MTRR: variants seen among roughly 807,000 people sequenced by gnomAD.
MTRR encodes the protein 5-methyltetrahydrofolate-homocysteine methyltransferase reductase.
Under a neutral mutation model 79.2 loss-of-function variants are expected in MTRR, and 63 were observed. The ratio of observed to expected loss-of-function variants is 0.80; its 90% CI spans 0.65 to 0.98. MTRR has a LOEUF of 0.98. Ranked by LOEUF, MTRR falls within the 50% of genes least tolerant of loss-of-function variation. The pLI is 0.00. For missense variants in MTRR, 895 were observed against 839.6 expected, an observed-to-expected ratio of 1.07 and a Z score of -0.82; for synonymous variants, 355 against 313.3, an observed-to-expected ratio of 1.13 and a Z score of -1.41.
upstream of MTRR, chr5:7,850,886 G>GGTA (rs764859323): frequency 8.8e-5 from 117 of 1,331,682 alleles, no homozygotes; most frequent in Non-Finnish European, 1.1e-4. Context: ...CGCGCCGGGC[G>GGTA]GTAGTAGTAG....
chr5:7,868,200 GAAAAAAAAAAAAAAA>G (rs34274545), upstream of MTRR: 1 of 222,566 alleles, frequency 4.5e-6, no homozygotes, highest in Non-Finnish European at 8.1e-6. Flanking sequence ...CGAGTATCTG[GAAAAAAAAAAAAAAA>G]AAAAAAAAGG....
chr5:7,854,593 C>T (rs326207), intron 1 of MTRR, among the ~76,000 whole-genome samples: 109,391 of 152,072 alleles, frequency 0.72, 40,340 homozygotes, highest in South Asian at 0.87. Context: ...GATGCAAAAG[C>T]GGAAACCCCT....
chr5:7,895,924 G>A (rs774654043), intron 12 of MTRR, 72 bp downstream of exon 12: 4 of 1,584,462 alleles, frequency 2.5e-6, no homozygotes, highest in Non-Finnish European at 1.7e-6. Context: ...GTCATTTTGA[G>A]GATAATTGGA....
chr5:7,880,925 G>A lies in MTRR; in HGVS notation c.781-2230G>A, dbSNP rs190782734. 3.5e-4 allele frequency among the ~76,000 whole-genome samples: 53 copies of A among 152,228 alleles called. No individual in the cohort carries two copies. In the East Asian group the frequency reaches 8.7e-3, roughly 25 times the overall value. On this transcript the variant is annotated intron_variant, in intron 5 of 14. Coordinates refer to ENST00000440940, the MANE Select transcript of MTRR (RefSeq NM_002454.3). ...CTGGAATGTTTGCACATTCCCCTTA[G>A]CCCAGTGTACATTTCCCCTTTGGGA...
Position 7,869,212 on chromosome 5 carries a change from G to T in MTRR, c.-29G>T. ...CAGGTTCGTGCCCGGCTGGCGCGGC[G>T]TGGGTAAGCTGCCTGTCGGCTACGG... On this transcript the variant is annotated 5_prime_UTR_variant, in exon 1 of 15. Coordinates refer to ENST00000440940, the MANE Select transcript of MTRR (RefSeq NM_002454.3). The T allele has an allele frequency of 6.2e-7, 1 of 1,606,970 alleles. No individual in the cohort carries two copies. The highest frequency in any genetic ancestry group is 2.2e-5 in the East Asian group (1 of 44,856).
At chr5:7,891,903 G>T (rs1056502900) in intron 10 of MTRR, among the ~76,000 whole-genome samples, 3 of 152,092 alleles carry the variant, frequency 2.0e-5, no homozygotes, top group Admixed American at 6.5e-5. Context: ...TTAGCCGGGC[G>T]TGGTGGCAGG....
chr5:7,866,216 T>C (rs1326631735), upstream of MTRR, among the ~76,000 whole-genome samples: 2 of 152,020 alleles, frequency 1.3e-5, no homozygotes, highest in South Asian at 4.1e-4. Context: ...AGATAAAATA[T>C]GTTCACAGAA....
chr5:7,864,473 AAAGT>A (rs1250734630), upstream of MTRR, among the ~76,000 whole-genome samples: 1 of 152,198 alleles, frequency 6.6e-6, no homozygotes, highest in Non-Finnish European at 1.5e-5. Flanking sequence ...GTAATATTAA[AAAGT>A]AATAAAAGAG....
chr5:7,862,795 AAAC>A, intron 2 of MTRR: 1 of 1,584,796 alleles, frequency 6.3e-7, no homozygotes, highest in Admixed American at 1.8e-5. Context: ...CTTAGGTTTA[AAAC>A]AACAAAACTC....
Position 7,890,009 on chromosome 5 carries a change from T to A in MTRR, c.1327+734T>A, listed in dbSNP as rs144819534. On this transcript the variant is annotated intron_variant, in intron 9 of 14. Transcript: ENST00000440940. Reference sequence around the variant, plus strand: ...CTCTCAGGAAGGGATTGAAAATGCTTGCTAGGGGTGAAGACTAAGCGCTTT... The same window carrying A: ...CTCTCAGGAAGGGATTGAAAATGCTAGCTAGGGGTGAAGACTAAGCGCTTT... Among the ~76,000 whole-genome samples, 773 of 152,286 alleles carry A rather than the reference T, an allele frequency of 5.1e-3. 6 individuals carry two copies. Among genetic ancestry groups the A allele is most frequent in the African/African-American group, 0.017 (723 of 41,558 alleles).
intron 11 of MTRR, among the ~76,000 whole-genome samples, chr5:7,894,913 A>C (rs1234513157): frequency 6.6e-6 from 1 of 152,242 alleles, no homozygotes; most frequent in Non-Finnish European, 1.5e-5. Context: ...AGGCTAATGT[A>C]ATGTTAACTA....
chr5:7,869,153 G>C lies in MTRR; in HGVS notation c.-88G>C, dbSNP rs1186313315. ...CCGAGCATGGGCGCTGCGTCAGTGC[G>C]CGCTGGCGCAAGGTTGGTGGAAGTC... On this transcript the variant is annotated 5_prime_UTR_variant, in exon 1 of 15. Transcript: ENST00000440940. 1.2e-6 allele frequency: 2 copies of C among 1,613,048 alleles called. No individual in the cohort carries two copies. The highest frequency in any genetic ancestry group is 1.7e-6 in the Non-Finnish European group (2 of 1,179,848).
chr5:7,891,418 C>T lies in MTRR; in HGVS notation c.1370+4C>T. ...CCAGACCATATTCGTGTGCAAGGTA[C>T]TACTATTTATTCACGTAATATATAG... On this transcript the variant is annotated splice_donor_region_variant and intron_variant, in intron 10 of 14. Coordinates refer to ENST00000440940, the MANE Select transcript of MTRR (RefSeq NM_002454.3). 1 of 1,597,958 alleles carries T rather than the reference C, an allele frequency of 6.3e-7. No homozygotes were observed. Among genetic ancestry groups the T allele is most frequent in the Non-Finnish European group, 8.6e-7 (1 of 1,169,484 alleles).
At chr5:7,882,033 C>T (rs1007448840) in intron 5 of MTRR, among the ~76,000 whole-genome samples, 1 of 152,224 alleles carries the variant, frequency 6.6e-6, no homozygotes, top group African/African-American at 2.4e-5. Flanking sequence ...CTGGCACTGA[C>T]TGTCACAGGC....
intron 6 of MTRR, among the ~76,000 whole-genome samples, chr5:7,884,167 T>G (rs935709943): frequency 1.3e-5 from 2 of 152,112 alleles, no homozygotes; most frequent in African/African-American, 4.8e-5. Flanking sequence ...CTGCCTCAAT[T>G]TTTTTAAAAA....
intron 1 of MTRR, 59 bp from the exon 2 acceptor site, chr5:7,870,711 A>G (rs1747806420): frequency 1.3e-6 from 2 of 1,546,422 alleles, no homozygotes; most frequent in Non-Finnish European, 8.9e-7. Context: ...GGGAGAATTA[A>G]TATCTTTAGG....
intron 11 of MTRR, 37 bp downstream of exon 11, chr5:7,892,950 T>C: frequency 6.3e-7 from 1 of 1,584,604 alleles, no homozygotes; most frequent in Non-Finnish European, 8.6e-7. Flanking sequence ...CATTGTTAAC[T>C]CATACTCTTT....
upstream of MTRR, chr5:7,866,727 G>A (rs1746981182): frequency 6.2e-7 from 1 of 1,613,762 alleles, no homozygotes; most frequent in Non-Finnish European, 8.5e-7. Context: ...GAACATGAAT[G>A]AAGAAGTTTC....
At chr5:7,877,878 C>T (rs1202401039) in intron 4 of MTRR, 66 bp from the exon 5 acceptor site, 3 of 1,595,040 alleles carry the variant, frequency 1.9e-6, no homozygotes, top group Admixed American at 1.7e-5. Context: ...CTGTCATTAT[C>T]CTGTTCTGTG....
Sources: gnomAD v4.1 joint callset for allele counts (sites outside exome capture counted in the v4.1 genomes callset) on GRCh38, gnomAD v4.1.1 for gene constraint, MANE v1.5 for transcripts, NCBI Gene and HGNC (gene_info 2026-07-23, HGNC 2026-07-21) for gene names.